CDK17: variants seen among roughly 807,000 people sequenced by gnomAD.
CDK17 encodes the protein cyclin-dependent kinase 17.
Under a neutral mutation model 77.6 loss-of-function variants are expected in CDK17, and 24 were observed. The ratio of observed to expected loss-of-function variants is 0.31; its 90% CI spans 0.22 to 0.44. CDK17 has a LOEUF of 0.44. CDK17 is among the 20% of genes least tolerant of loss of function. The probability of loss-of-function intolerance (pLI) is 1.00; values close to 1 mark genes in which losing one functional copy is unlikely to be tolerated. For synonymous variants in CDK17, 203 were observed against 210.4 expected (o/e 0.96, Z 0.30); for missense variants, 429 against 622.5 (o/e 0.69, Z 3.31).
chr12:96,367,463 C>T (rs1267611664), intron 1 of CDK17, among the ~76,000 whole-genome samples: 1 of 148,766 alleles, frequency 6.7e-6, no homozygotes, highest in Non-Finnish European at 1.5e-5. Context: ...GAATTTGTTA[C>T]TAACAGTCGA....
At chr12:96,390,664 G>T (rs1247466236) in intron 1 of CDK17, among the ~76,000 whole-genome samples, 1 of 131,972 alleles carries the variant, frequency 7.6e-6, no homozygotes, top group African/African-American at 2.9e-5. Context: ...AGCAGAGATC[G>T]CACCACTGCA....
intron 1 of CDK17, among the ~76,000 whole-genome samples, chr12:96,344,433 A>G (rs1417789933): frequency 6.6e-6 from 1 of 152,228 alleles, no homozygotes; most frequent in Non-Finnish European, 1.5e-5. Context: ...CAAATAAAGT[A>G]TCTTGAAAGC....
intron 13 of CDK17, chr12:96,285,603 A>T (rs1407803401): frequency 6.6e-6 from 1 of 152,464 alleles, no homozygotes; most frequent in Non-Finnish European, 1.5e-5. Flanking sequence ...AACTTAAATG[A>T]ATGGCTGACA....
chr12:96,302,117 T>A (rs940024564), intron 5 of CDK17, among the ~76,000 whole-genome samples: 42 of 152,150 alleles, frequency 2.8e-4, no homozygotes, highest in African/African-American at 8.7e-4. Context: ...ACACTATTCA[T>A]CCATGTATTG....
chr12:96,305,357 G>T (rs111406039), intron 5 of CDK17, among the ~76,000 whole-genome samples: 1 of 152,160 alleles, frequency 6.6e-6, no homozygotes. Context: ...TACTAGTAAT[G>T]TACCAATGTT....
At chr12:96,385,012 G>GGA (rs1565846245) in intron 1 of CDK17, among the ~76,000 whole-genome samples, 3 of 75,502 alleles carry the variant, frequency 4.0e-5, no homozygotes. Flanking sequence ...TTTCTCAAGG[G>GGA]AAAAAAAAAA....
chr12:96,285,047 G>C (rs983462981), intron 13 of CDK17, among the ~76,000 whole-genome samples: 3 of 152,098 alleles, frequency 2.0e-5, no homozygotes, highest in African/African-American at 7.2e-5. Context: ...CACATATCCA[G>C]AGTTCCCTGG....
intron 1 of CDK17, among the ~76,000 whole-genome samples, chr12:96,393,838 T>C (rs1205514662): frequency 1.2e-4 from 18 of 152,230 alleles, no homozygotes; most frequent in Admixed American, 1.2e-3. Context: ...TAAGTTGTTA[T>C]ACTTCAAAAA....
intron 1 of CDK17, among the ~76,000 whole-genome samples, chr12:96,335,651 T>C (rs1368461654): frequency 6.6e-6 from 1 of 152,264 alleles, no homozygotes; most frequent in Admixed American, 6.5e-5. Flanking sequence ...ATTTACTTTT[T>C]CCTTCACACT....
intron 1 of CDK17, among the ~76,000 whole-genome samples, chr12:96,360,116 T>A (rs1200145065): frequency 6.6e-6 from 1 of 152,156 alleles, no homozygotes; most frequent in Non-Finnish European, 1.5e-5. Flanking sequence ...CAGGCCAAGG[T>A]GACCCCACTA....
Position 96,280,295 on chromosome 12 carries a change from A to C in CDK17, c.1535-16T>G. 6.4e-7 allele frequency: 1 copy of C among 1,550,476 alleles called. No homozygotes were observed. Among genetic ancestry groups the C allele is most frequent in the Non-Finnish European group, 8.7e-7 (1 of 1,146,382 alleles). On this transcript the variant is annotated splice_polypyrimidine_tract_variant and intron_variant, in intron 16 of 16. Transcript: ENST00000261211. ...TTCCCATGTCCTAAAATATAAAGTC[A>C]TTTTATGAGGCAGTTCAAGGTTCAG...
At chr12:96,339,520 A>C (rs1273975689) in intron 1 of CDK17, among the ~76,000 whole-genome samples, 1 of 152,048 alleles carries the variant, frequency 6.6e-6, no homozygotes, top group Non-Finnish European at 1.5e-5. Context: ...AAGATAGTGA[A>C]TTTTGCTATG....
chr12:96,278,578 T>C lies in CDK17; in HGVS notation c.*1664A>G, dbSNP rs1254628027. On this transcript the variant is annotated 3_prime_UTR_variant, in exon 17 of 17. Transcript: ENST00000261211. ...TTTTAACAACATGGAGATTTTGTTATTATAAATTTCAAAACAAAATGAAGG... is the reference window on the plus strand; with the variant it reads ...TTTTAACAACATGGAGATTTTGTTACTATAAATTTCAAAACAAAATGAAGG... 3 of 152,556 alleles carry C rather than the reference T, an allele frequency of 2.0e-5. No homozygotes were observed. Among genetic ancestry groups the C allele is most frequent in the African/African-American group, 7.2e-5 (3 of 41,438 alleles). The allele number at this position is 152,556 out of a possible 1,614,324, so 9.5% of individuals were successfully genotyped here.
At chr12:96,379,772 G>A (rs1592766127) in intron 1 of CDK17, among the ~76,000 whole-genome samples, 1 of 152,044 alleles carries the variant, frequency 6.6e-6, no homozygotes, top group Non-Finnish European at 1.5e-5. Flanking sequence ...CAAACAAAAT[G>A]GTGAAACCAA....
chr12:96,392,966 A>G (rs1954095799), intron 1 of CDK17, among the ~76,000 whole-genome samples: 1 of 152,222 alleles, frequency 6.6e-6, no homozygotes, highest in Admixed American at 6.5e-5. Context: ...GGCTAATACA[A>G]TATTGAGGAC....
intron 1 of CDK17, among the ~76,000 whole-genome samples, chr12:96,378,103 T>C (rs1438435882): frequency 6.6e-6 from 1 of 152,218 alleles, no homozygotes; most frequent in Non-Finnish European, 1.5e-5. Context: ...GATCTTACAT[T>C]AGTATGGTAC....
At chr12:96,319,538 C>T (rs1406311251) in intron 3 of CDK17, among the ~76,000 whole-genome samples, 1 of 140,418 alleles carries the variant, frequency 7.1e-6, no homozygotes, top group Non-Finnish European at 1.5e-5. Context: ...AACATTGATG[C>T]AAAAATCCTC....
chr12:96,290,844 A>C (rs917296238), intron 10 of CDK17, among the ~76,000 whole-genome samples: 5 of 152,234 alleles, frequency 3.3e-5, no homozygotes, highest in African/African-American at 1.2e-4. Context: ...GTTTGTGTAC[A>C]TGGCCTTCTA....
chr12:96,311,828 G>A (rs1952649043), intron 4 of CDK17, among the ~76,000 whole-genome samples: 1 of 151,862 alleles, frequency 6.6e-6, no homozygotes, highest in Non-Finnish European at 1.5e-5. Context: ...AATAAGTAAG[G>A]AGAAGATACT....
Sources: allele counts gnomAD v4.1 joint callset (sites outside exome capture counted in the v4.1 genomes callset), GRCh38; gene constraint gnomAD v4.1.1; transcripts MANE v1.5; gene names NCBI Gene and HGNC (gene_info 2026-07-23, HGNC 2026-07-21).